MAGI1: variants seen among roughly 807,000 people sequenced by gnomAD.
MAGI1 encodes the protein membrane-associated guanylate kinase, WW and PDZ domain-containing protein 1.
Under a neutral mutation model 139.9 loss-of-function variants are expected in MAGI1, and 58 were observed. That is an observed-to-expected ratio of 0.41 (90% CI 0.34 to 0.52). The LOEUF (loss-of-function observed/expected upper bound fraction) is 0.52. Ranked by LOEUF, MAGI1 falls within the 20% of genes least tolerant of loss-of-function variation. The pLI, the probability that MAGI1 is intolerant of heterozygous loss-of-function variation, is 0.12. For missense variants in MAGI1, 1,874 were observed against 1,901.6 expected (o/e 0.99, Z 0.27); for synonymous variants, 812 against 737.9 (o/e 1.10, Z -1.63).
At chr3:65,568,784 C>T (rs1980332) in intron 2 of MAGI1, among the ~76,000 whole-genome samples, 3,780 of 152,262 alleles carry the variant, frequency 0.025, 78 homozygotes, top group Admixed American at 0.048. Context: ...CCATAACTTT[C>T]TAATTAGTCA....
chr3:65,865,621 C>A (rs2059698230), intron 1 of MAGI1, among the ~76,000 whole-genome samples: 1 of 152,056 alleles, frequency 6.6e-6, no homozygotes, highest in Non-Finnish European at 1.5e-5. Context: ...AAAATAAGCA[C>A]TTTGCAAGTG....
At chr3:66,013,694 A>G (rs1392623953) in intron 1 of MAGI1, among the ~76,000 whole-genome samples, 3 of 148,698 alleles carry the variant, frequency 2.0e-5, no homozygotes, top group Non-Finnish European at 4.5e-5. Context: ...CCAGGACGTG[A>G]GGCTTGCAGT....
intron 1 of MAGI1, among the ~76,000 whole-genome samples, chr3:65,829,048 T>C (rs1241151683): frequency 2.6e-5 from 4 of 152,198 alleles, no homozygotes; most frequent in Non-Finnish European, 4.4e-5. Context: ...AAACGATCTT[T>C]ACCCCAGAAC....
At chr3:65,397,745 G>A (rs1015523707) in intron 13 of MAGI1, among the ~76,000 whole-genome samples, 10 of 152,088 alleles carry the variant, frequency 6.6e-5, no homozygotes, top group Admixed American at 5.9e-4. Context: ...ATAATTAAGA[G>A]TGGAATGATT....
Position 66,038,416 on chromosome 3 carries a change from T to C in MAGI1, c.-108A>G. 1.4e-6 allele frequency: 2 copies of C among 1,426,492 alleles called. No individual in the cohort carries two copies. Among genetic ancestry groups the C allele is most frequent in the East Asian group, 2.4e-5 (1 of 41,542 alleles). The allele number at this position is 1,426,492 out of a possible 1,614,324, so 88.4% of individuals were successfully genotyped here. On this transcript the variant is annotated 5_prime_UTR_variant, in exon 1 of 23. Transcript: ENST00000402939. ...CATGGGAGAAACATCTCTCCCCAAA[T>C]CACAAAACAGGAGAGAGAAACTTGG...
intron 1 of MAGI1, among the ~76,000 whole-genome samples, chr3:65,746,835 C>G (rs2035750899): frequency 6.6e-6 from 1 of 152,212 alleles, no homozygotes; most frequent in African/African-American, 2.4e-5. Context: ...CAGAGCATTT[C>G]TCTGGGCTAG....
At chr3:65,620,946 T>A (rs2083635488) in intron 2 of MAGI1, among the ~76,000 whole-genome samples, 1 of 152,226 alleles carries the variant, frequency 6.6e-6, no homozygotes, top group African/African-American at 2.4e-5. Context: ...TAGTTCTGCT[T>A]ATTCTTTTAC....
At chr3:65,958,161 C>T (rs2064230292) in intron 1 of MAGI1, among the ~76,000 whole-genome samples, 1 of 152,206 alleles carries the variant, frequency 6.6e-6, no homozygotes, top group Admixed American at 6.5e-5. Flanking sequence ...CTCTCCTTCC[C>T]TCTTCCTCCC....
intron 13 of MAGI1, among the ~76,000 whole-genome samples, chr3:65,393,307 C>G (rs1944086611): frequency 6.6e-6 from 1 of 152,154 alleles, no homozygotes; most frequent in Admixed American, 6.5e-5. Flanking sequence ...TTATAAACAA[C>G]CATGTACAGT....
chr3:65,900,445 T>C (rs918590904), intron 1 of MAGI1, among the ~76,000 whole-genome samples: 1 of 152,198 alleles, frequency 6.6e-6, no homozygotes, highest in Non-Finnish European at 1.5e-5. Context: ...AGTGTTAGAC[T>C]TGAAAAAGGG....
At chr3:66,002,631 G>A (rs2066806097) in intron 1 of MAGI1, among the ~76,000 whole-genome samples, 1 of 151,936 alleles carries the variant, frequency 6.6e-6, no homozygotes, top group South Asian at 2.1e-4. Context: ...TCTCCTGCCT[G>A]AGCCTCCCGA....
At chr3:65,967,912 C>A (rs2064836522) in intron 1 of MAGI1, among the ~76,000 whole-genome samples, 1 of 152,168 alleles carries the variant, frequency 6.6e-6, no homozygotes, top group South Asian at 2.1e-4. Context: ...CGTGAGTCTG[C>A]AGCGGTAATG....
At chr3:65,718,295 A>C (rs2032529524) in intron 1 of MAGI1, among the ~76,000 whole-genome samples, 1 of 152,182 alleles carries the variant, frequency 6.6e-6, no homozygotes, top group Admixed American at 6.5e-5. Flanking sequence ...CCTAAGAGAT[A>C]GCTTCCTAAG....
At chr3:65,418,354 C>G (rs1246166403) in intron 12 of MAGI1, among the ~76,000 whole-genome samples, 1 of 152,222 alleles carries the variant, frequency 6.6e-6, no homozygotes, top group South Asian at 2.1e-4. Context: ...TCATGAAGAA[C>G]AAGAATGGGT....
Position 65,880,906 on chromosome 3 carries a change from G to GGT in MAGI1, c.313+157089_313+157090insAC, listed in dbSNP as rs546077506. On this transcript the variant is annotated intron_variant, in intron 1 of 22. Transcript: ENST00000402939. Reference sequence around the variant, plus strand: ...TTTTCATGGGAAATAAAATATCTCTGGCGTGTGTGTGTGTGTGTGTGTGTG... The same window carrying GGT: ...TTTTCATGGGAAATAAAATATCTCTGGTGCGTGTGTGTGTGTGTGTGTGTGTG... 9.0e-5 allele frequency among the ~76,000 whole-genome samples: 8 copies of GGT among 88,780 alleles called. No individual in the cohort carries two copies. In the South Asian group the frequency reaches 2.4e-3, roughly 26 times the overall value. The allele number at this position is 88,780 out of a possible 152,430, so 58.2% of individuals were successfully genotyped here. A position where few individuals can be genotyped will look rare whatever the true frequency, so the allele number is the denominator to read the frequency against.
chr3:65,370,619 A>G (rs1278123247), intron 18 of MAGI1, among the ~76,000 whole-genome samples: 5 of 152,106 alleles, frequency 3.3e-5, no homozygotes, highest in East Asian at 1.9e-4. Flanking sequence ...TTCAGGCTTA[A>G]AAGTTTTTTT....
rs1559511267 is a variant in MAGI1 at position 65,382,213 on chromosome 3, G to A, written c.2509-144C>T. 3 of 635,852 alleles carry A rather than the reference G, an allele frequency of 4.7e-6. No homozygotes were observed. The African/African-American group carries it at 5.5e-5, about 12-fold the overall frequency. The allele number at this position is 635,852 out of a possible 1,614,324, so 39.4% of individuals were successfully genotyped here. A position where few individuals can be genotyped will look rare whatever the true frequency, so the allele number is the denominator to read the frequency against. ...TTTATTGAGCACCCACTGTGTACAA[G>A]ACATTGTGCTAAGCACTGCAACAAT... On this transcript the variant is annotated intron_variant, in intron 15 of 22. Transcript: ENST00000402939.
At chr3:65,778,950 A>G (rs2038707082) in intron 1 of MAGI1, among the ~76,000 whole-genome samples, 1 of 152,188 alleles carries the variant, frequency 6.6e-6, no homozygotes, top group Admixed American at 6.5e-5. Context: ...TGCTAGTGTC[A>G]TCTAGGGGTC....
chr3:65,707,407 C>T (rs1364984679), intron 1 of MAGI1, among the ~76,000 whole-genome samples: 3 of 152,212 alleles, frequency 2.0e-5, no homozygotes, highest in Middle Eastern at 3.4e-3. Flanking sequence ...CCAGGGCAAC[C>T]GGCCTGAGCC....
Sources: gnomAD v4.1 joint callset for allele counts (sites outside exome capture counted in the v4.1 genomes callset) on GRCh38, gnomAD v4.1.1 for gene constraint, MANE v1.5 for transcripts, NCBI Gene and HGNC (gene_info 2026-07-23, HGNC 2026-07-21) for gene names.